GSG1L: variants seen among roughly 807,000 people sequenced by gnomAD.
GSG1L encodes germ cell-specific gene 1-like protein.
In GSG1L, 24 loss-of-function variants were observed where a neutral mutation model predicts 42.1. The observed-to-expected ratio is 0.57, with a 90% confidence interval of 0.41 to 0.80. GSG1L has a LOEUF of 0.80. GSG1L is among the 30% of genes least tolerant of loss of function. The pLI is 0.00. For synonymous variants in GSG1L, 215 were observed against 203.5 expected (o/e 1.06, Z -0.48); for missense variants, 445 against 472.2 (o/e 0.94, Z 0.53).
Position 27,816,910 on chromosome 16 carries a change from G to C in GSG1L, c.831-9356C>G, listed in dbSNP as rs117562717. ...GAGGTCCTCATGGAAAGTGGGGCTG[G>C]GGACCCTCCATCACTGGCTCTGCCA... On this transcript the variant is annotated intron_variant, in intron 5 of 6. Transcript: ENST00000447459. Among the ~76,000 whole-genome samples the C allele has an allele frequency of 5.3e-5, 8 of 152,338 alleles. No homozygotes were observed. In the East Asian group the frequency reaches 1.5e-3, roughly 29 times the overall value.
rs193091770 is a variant in GSG1L at position 27,957,278 on chromosome 16, T to C, written c.397+5878A>G. Among the ~76,000 whole-genome samples the C allele has an allele frequency of 2.9e-4, 44 of 152,116 alleles. No individual in the cohort carries two copies. In the East Asian group the frequency reaches 7.7e-3, roughly 27 times the overall value. On this transcript the variant is annotated intron_variant, in intron 2 of 6. Coordinates refer to ENST00000447459, the MANE Select transcript of GSG1L (RefSeq NM_001109763.2). Reference sequence around the variant, plus strand: ...ACGAGAATCACTTGAACCCAGGAGGTGGAGTTTGCAGTAAGCCAAGATCAC... The same window carrying C: ...ACGAGAATCACTTGAACCCAGGAGGCGGAGTTTGCAGTAAGCCAAGATCAC...
intron 1 of GSG1L, among the ~76,000 whole-genome samples, chr16:28,053,150 G>A (rs2086237906): frequency 6.6e-6 from 1 of 152,200 alleles, no homozygotes; most frequent in Non-Finnish European, 1.5e-5. Flanking sequence ...GAAGGGGGTG[G>A]CATGCAGACA....
chr16:27,954,829 T>G (rs189518203), intron 2 of GSG1L, among the ~76,000 whole-genome samples: 17 of 152,284 alleles, frequency 1.1e-4, no homozygotes, highest in Non-Finnish European at 4.4e-5. Context: ...AATTTTATTT[T>G]TAAATTTTTC....
chr16:28,001,376 T>C (rs2085576608), intron 1 of GSG1L, among the ~76,000 whole-genome samples: 1 of 152,180 alleles, frequency 6.6e-6, no homozygotes, highest in African/African-American at 2.4e-5. Flanking sequence ...CACGTGGAAG[T>C]GTATGCGTGA....
chr16:27,912,030 T>C (rs2084397770), intron 2 of GSG1L, among the ~76,000 whole-genome samples: 1 of 152,144 alleles, frequency 6.6e-6, no homozygotes, highest in African/African-American at 2.4e-5. Flanking sequence ...AAATGAATGA[T>C]TTGTTGATCA....
intron 1 of GSG1L, among the ~76,000 whole-genome samples, chr16:28,009,401 G>A (rs927773049): frequency 2.0e-5 from 3 of 151,840 alleles, no homozygotes; most frequent in African/African-American, 7.3e-5. Flanking sequence ...AGACCCTGAT[G>A]GATTTGTCTC....
intron 3 of GSG1L, among the ~76,000 whole-genome samples, chr16:27,855,149 T>C (rs13380562): frequency 0.13 from 19,083 of 152,106 alleles, 1,379 homozygotes; most frequent in African/African-American, 0.22. Context: ...AGGGAATGAC[T>C]CCCACTCTGC....
intron 2 of GSG1L, among the ~76,000 whole-genome samples, chr16:27,895,844 AAG>A (rs1030152321): frequency 6.6e-6 from 1 of 152,188 alleles, no homozygotes; most frequent in Non-Finnish European, 1.5e-5. Context: ...GATGGGCAAA[AAG>A]GTAGGGCAAC....
At chr16:27,947,020 A>G (rs1279005849) in intron 2 of GSG1L, among the ~76,000 whole-genome samples, 1 of 152,084 alleles carries the variant, frequency 6.6e-6, no homozygotes, top group Non-Finnish European at 1.5e-5. Context: ...AGCACGCCTG[A>G]GGCCCCACCA....
intron 2 of GSG1L, among the ~76,000 whole-genome samples, chr16:27,929,279 C>T (rs1407228739): frequency 2.0e-5 from 3 of 152,204 alleles, no homozygotes; most frequent in Non-Finnish European, 4.4e-5. Flanking sequence ...TATGCCTCCC[C>T]AACCCTCGGT....
intron 1 of GSG1L, among the ~76,000 whole-genome samples, chr16:27,973,929 C>T (rs189362308): frequency 1.3e-5 from 2 of 152,166 alleles, no homozygotes; most frequent in Non-Finnish European, 2.9e-5. Flanking sequence ...TGGCCCTGCG[C>T]CTTCCATTGT....
intron 2 of GSG1L, among the ~76,000 whole-genome samples, chr16:27,953,771 C>T (rs539154721): frequency 1.3e-5 from 2 of 151,964 alleles, no homozygotes; most frequent in South Asian, 2.1e-4. Context: ...GCCAGCTGCT[C>T]GGAAGGCTGA....
chr16:28,023,441 T>G (rs558380311), intron 1 of GSG1L, among the ~76,000 whole-genome samples: 1 of 152,354 alleles, frequency 6.6e-6, no homozygotes, highest in African/African-American at 2.4e-5. Context: ...CTTGTGCACA[T>G]GCGTTCATCT....
intron 5 of GSG1L, among the ~76,000 whole-genome samples, chr16:27,810,695 C>CT (rs1009194456): frequency 0.014 from 2,084 of 146,026 alleles, 41 homozygotes; most frequent in African/African-American, 0.047. Flanking sequence ...TTAAGTTTTT[C>CT]TTTTTTTTTT....
rs185747141 is a variant in GSG1L, at chr16:27,938,502, G to A, written c.397+24654C>T. ...CAAATGTCCCTGGAAACACTGGCTG[G>A]AGCCTTGAGAGCCACAGGAGCAGAT... On this transcript the variant is annotated intron_variant, in intron 2 of 6. Coordinates refer to ENST00000447459, the MANE Select transcript of GSG1L (RefSeq NM_001109763.2). Among the ~76,000 whole-genome samples, 5 of 152,278 alleles carry A rather than the reference G, an allele frequency of 3.3e-5. No individual in the cohort carries two copies. In the East Asian group the frequency reaches 9.7e-4, roughly 29 times the overall value.
chr16:27,899,382 C>A (rs1421556148), intron 2 of GSG1L, among the ~76,000 whole-genome samples: 3 of 152,102 alleles, frequency 2.0e-5, no homozygotes, highest in Non-Finnish European at 4.4e-5. Context: ...CCTCGATTTC[C>A]TCACCTGACT....
chr16:27,852,777 G>C (rs2140991466), intron 3 of GSG1L, among the ~76,000 whole-genome samples: 1 of 152,302 alleles, frequency 6.6e-6, no homozygotes, highest in Admixed American at 6.5e-5. Flanking sequence ...GGTGGGGATG[G>C]TGAGCATGGC....
chr16:28,006,925 C>G (rs1451790742), intron 1 of GSG1L, among the ~76,000 whole-genome samples: 2 of 152,146 alleles, frequency 1.3e-5, no homozygotes, highest in African/African-American at 2.4e-5. Flanking sequence ...GCCTTTGCAG[C>G]TGGCACAGCA....
intron 2 of GSG1L, among the ~76,000 whole-genome samples, chr16:27,888,464 C>CTT (rs59650383): frequency 0.076 from 825 of 10,868 alleles, 129 homozygotes; most frequent in African/African-American, 0.084. Context: ...TTCTTTCTTT[C>CTT]TCTCTCTCTC....
Sources: gnomAD v4.1 joint callset for allele counts (sites outside exome capture counted in the v4.1 genomes callset) on GRCh38, gnomAD v4.1.1 for gene constraint, MANE v1.5 for transcripts, NCBI Gene and HGNC (gene_info 2026-07-23, HGNC 2026-07-21) for gene names.